The following PPFIA2 variants were observed in gnomAD, a reference collection of about 807,000 sequenced individuals.
The protein encoded by PPFIA2 is liprin-alpha-2.
In PPFIA2, 46 loss-of-function variants were observed where a neutral mutation model predicts 175.5. That is an observed-to-expected ratio of 0.26 (90% CI 0.21 to 0.34). PPFIA2 has a LOEUF of 0.34. Among genes scored for constraint, PPFIA2 ranks in the 10% least tolerant of loss-of-function variants. The probability of loss-of-function intolerance (pLI) is 1.00; values close to 1 mark genes in which losing one functional copy is unlikely to be tolerated. For synonymous variants in PPFIA2, 568 were observed against 511.4 expected (o/e 1.11, Z -1.49); for missense variants, 1,179 against 1,506.1 (o/e 0.78, Z 3.60).
chr12:81,741,245 A>ACATAATG (rs1162856787), intron 3 of PPFIA2, among the ~76,000 whole-genome samples: 1 of 152,216 alleles, frequency 6.6e-6, no homozygotes, highest in Non-Finnish European at 1.5e-5. Context: ...CTGGTCTCAT[A>ACATAATG]CATAATGACA....
chr12:81,639,551 T>A (rs141625021), intron 4 of PPFIA2, among the ~76,000 whole-genome samples: 2,780 of 149,412 alleles, frequency 0.019, 49 homozygotes, highest in African/African-American at 0.04. Flanking sequence ...AAAAAAAATA[T>A]ATATATATAT....
chr12:81,490,017 C>T (rs1299758688), intron 4 of PPFIA2, among the ~76,000 whole-genome samples: 7 of 151,894 alleles, frequency 4.6e-5, no homozygotes, highest in Admixed American at 3.3e-4. Context: ...TATGTATCCA[C>T]TTAACCCATT....
At chr12:81,383,937 G>T (rs1009012201) in intron 9 of PPFIA2, 86 bp downstream of exon 9, 7 of 1,095,130 alleles carry the variant, frequency 6.4e-6, no homozygotes, top group Non-Finnish European at 9.4e-6. Flanking sequence ...AGTAAAAAGT[G>T]TATGGTCATT....
At chr12:81,485,205 C>T (rs1465810088) in intron 4 of PPFIA2, among the ~76,000 whole-genome samples, 1 of 151,760 alleles carries the variant, frequency 6.6e-6, no homozygotes, top group Non-Finnish European at 1.5e-5. Context: ...TAAATGTGAA[C>T]CCAATGCATT....
chr12:81,671,007 A>G (rs187431484), intron 4 of PPFIA2, among the ~76,000 whole-genome samples: 1 of 152,070 alleles, frequency 6.6e-6, no homozygotes, highest in East Asian at 1.9e-4. Context: ...ATCAACTCCA[A>G]TAGCTTTAAT....
At chr12:81,729,435 A>G (rs538384452) in intron 3 of PPFIA2, among the ~76,000 whole-genome samples, 4 of 151,712 alleles carry the variant, frequency 2.6e-5, no homozygotes, top group African/African-American at 9.6e-5. Flanking sequence ...TGTATCCTAC[A>G]CTGTACTTTG....
At chr12:81,660,495 G>C (rs1260634545) in intron 4 of PPFIA2, among the ~76,000 whole-genome samples, 1 of 152,036 alleles carries the variant, frequency 6.6e-6, no homozygotes, top group Admixed American at 6.6e-5. Context: ...GAAGTTCAGA[G>C]AAAAAAGAAT....
chr12:81,705,350 G>T (rs2076995507), intron 3 of PPFIA2, among the ~76,000 whole-genome samples: 1 of 150,824 alleles, frequency 6.6e-6, no homozygotes, highest in Admixed American at 6.6e-5. Context: ...CAGCTACAGA[G>T]GAGGCTGAGG....
In PPFIA2 at chr12:81,310,213, T is replaced by G. The variant is rs114511372; in HGVS notation, c.2643-10831A>C. ...AGAATATGTCAGTCACTCAGGGCCA[T>G]GTAGCAAGTAAGTGGGGAAGATGGA... is the stretch of plus-strand genomic sequence containing the variant. On this transcript the variant is annotated intron_variant, in intron 22 of 32. Coordinates refer to ENST00000549396, the MANE Select transcript of PPFIA2 (RefSeq NM_003625.5). Among the ~76,000 whole-genome samples the G allele has an allele frequency of 3.9e-3, 592 of 152,254 alleles. 3 individuals are homozygous for G. The highest frequency in any genetic ancestry group is 0.014 in the African/African-American group (563 of 41,564).
At chr12:81,473,338 G>A (rs972549487) in intron 4 of PPFIA2, among the ~76,000 whole-genome samples, 38 of 152,294 alleles carry the variant, frequency 2.5e-4, no homozygotes, top group African/African-American at 8.9e-4. Flanking sequence ...GAACCCGGGA[G>A]GCGGAGGTTG....
intron 8 of PPFIA2, among the ~76,000 whole-genome samples, chr12:81,390,290 G>C (rs1489102398): frequency 6.6e-6 from 1 of 151,896 alleles, no homozygotes; most frequent in African/African-American, 2.4e-5. Flanking sequence ...CAGTTCTCTT[G>C]GATCGATTCC....
chr12:81,472,316 C>T (rs142098105), intron 4 of PPFIA2, among the ~76,000 whole-genome samples: 155 of 152,100 alleles, frequency 1.0e-3, no homozygotes, highest in Non-Finnish European at 1.8e-3. Flanking sequence ...ATACTAAATG[C>T]CAATGAATTG....
At chr12:81,409,527 C>T (rs2043531722) in intron 7 of PPFIA2, among the ~76,000 whole-genome samples, 1 of 152,088 alleles carries the variant, frequency 6.6e-6, no homozygotes, top group Non-Finnish European at 1.5e-5. Context: ...ATCTCACATG[C>T]TTTTATGCCC....
intron 3 of PPFIA2, among the ~76,000 whole-genome samples, chr12:81,705,346 CAGAGG>C (rs2076995180): frequency 6.7e-6 from 1 of 149,506 alleles, no homozygotes; most frequent in South Asian, 2.1e-4. Context: ...ATCCCAGCTA[CAGAGG>C]AGGCTGAGGC....
intron 4 of PPFIA2, among the ~76,000 whole-genome samples, chr12:81,555,756 A>G (rs2068746148): frequency 6.6e-6 from 1 of 151,954 alleles, no homozygotes; most frequent in African/African-American, 2.4e-5. Flanking sequence ...TTTTAATGCA[A>G]TGAAGAGAAG....
At chr12:81,424,260 T>A (rs1430229748) in intron 7 of PPFIA2, among the ~76,000 whole-genome samples, 1 of 152,116 alleles carries the variant, frequency 6.6e-6, no homozygotes, top group African/African-American at 2.4e-5. Context: ...TTACAATATC[T>A]AGCTCCAGAC....
chr12:81,643,086 GTA>G (rs1431333182), intron 4 of PPFIA2, among the ~76,000 whole-genome samples: 2 of 147,256 alleles, frequency 1.4e-5, no homozygotes, highest in Non-Finnish European at 3.0e-5. Context: ...TGTTATATGT[GTA>G]TATATATTTC....
At chr12:81,642,251 G>C (rs1487182538) in intron 4 of PPFIA2, among the ~76,000 whole-genome samples, 7 of 151,808 alleles carry the variant, frequency 4.6e-5, no homozygotes, top group Non-Finnish European at 1.0e-4. Flanking sequence ...GAAAGTTAAA[G>C]AGGTAAAACA....
At chr12:81,387,855 G>A (rs1401955214) in intron 8 of PPFIA2, among the ~76,000 whole-genome samples, 4 of 152,042 alleles carry the variant, frequency 2.6e-5, no homozygotes, top group African/African-American at 7.2e-5. Context: ...ACAGATAGTT[G>A]TGTACTGTAG....
Sources: allele counts gnomAD v4.1 joint callset (sites outside exome capture counted in the v4.1 genomes callset), GRCh38; gene constraint gnomAD v4.1.1; transcripts MANE v1.5; gene names NCBI Gene and HGNC (gene_info 2026-07-23, HGNC 2026-07-21).